The following RFX6 variants were observed in gnomAD, a reference collection of about 807,000 sequenced individuals.
The protein encoded by RFX6 is regulatory factor X6, also known as DNA-binding protein RFX6.
Under a neutral mutation model 110.8 loss-of-function variants are expected in RFX6, and 50 were observed. The ratio of observed to expected loss-of-function variants is 0.45; its 90% CI spans 0.36 to 0.57. The LOEUF is 0.57. Among genes scored for constraint, RFX6 ranks in the 20% least tolerant of loss-of-function variants. RFX6 has a pLI of 0.00. For missense variants in RFX6, 990 were observed against 1,127.0 expected (o/e 0.88, Z 1.74); for synonymous variants, 383 against 411.2 (o/e 0.93, Z 0.83).
At chr6:116,925,753 C>T (rs1775710629) in intron 16 of RFX6, 94 bp downstream of exon 16, 1 of 816,024 alleles carries the variant, frequency 1.2e-6, no homozygotes, top group South Asian at 1.5e-5. Flanking sequence ...TCCAGGAATT[C>T]CAACAATAAA....
chr6:116,877,320 G>C lies in RFX6; in HGVS notation c.45G>C (p.Gln15His). The change falls in exon 1 of 19, where the codon CAG (glutamine) becomes CAC (histidine). Residue 15 changes from glutamine (Q) to histidine (H), a missense_variant. Around this residue, in one of 5 missense-constraint regions of RFX6, gnomAD observed 175 missense variants for 162.3 expected, o/e 1.08. Transcript: ENST00000332958. ...TGGAAGACACCTTCCTGCAGGCGCA[G>C]CCTGCGCCCCAACTGTCCCCGGGGA... Reference protein sequence around the residue: ...PELEDTFLQAQPAPQLSPGIQ... With the variant: ...PELEDTFLQAHPAPQLSPGIQ... 1 of 1,612,952 alleles carries C rather than the reference G, an allele frequency of 6.2e-7. No individual in the cohort carries two copies. Among genetic ancestry groups the C allele is most frequent in the African/African-American group, 1.3e-5 (1 of 75,036 alleles).
chr6:116,880,714 C>T lies in RFX6; in HGVS notation c.504+47C>T, dbSNP rs1426050030. The T allele has an allele frequency of 1.9e-6, 3 of 1,598,058 alleles. No individual in the cohort carries two copies. In the African/African-American group the frequency reaches 4.0e-5, roughly 21 times the overall value. ...TAGTGACTTATAACTAAAGTCATGT[C>T]AGGCAGATAGCATGAAAATGAATTC... On this transcript the variant is annotated intron_variant, in intron 3 of 18. Coordinates refer to ENST00000332958, the MANE Select transcript of RFX6 (RefSeq NM_173560.4).
chr6:116,915,087 A>T (rs1259468660), intron 7 of RFX6, among the ~76,000 whole-genome samples: 2 of 152,192 alleles, frequency 1.3e-5, no homozygotes, highest in African/African-American at 4.8e-5. Flanking sequence ...ATAACTGGCA[A>T]CAGGTAGGGA....
chr6:116,887,367 C>T (rs1036741186), intron 4 of RFX6, among the ~76,000 whole-genome samples: 2 of 152,176 alleles, frequency 1.3e-5, no homozygotes, highest in African/African-American at 4.8e-5. Flanking sequence ...GCTCAGCTCT[C>T]TATCCAGTTC....
intron 4 of RFX6, 34 bp downstream of exon 4, chr6:116,882,462 C>G (rs375206171): frequency 2.1e-6 from 3 of 1,460,028 alleles, no homozygotes; most frequent in East Asian, 2.3e-5. Context: ...AGGTTCTGCT[C>G]TTGTGCATGA....
chr6:116,902,506 G>C (rs1290056234), intron 6 of RFX6, among the ~76,000 whole-genome samples: 2 of 151,982 alleles, frequency 1.3e-5, no homozygotes, highest in Admixed American at 6.6e-5. Context: ...ATGTCTTAGA[G>C]ATTGTCTCAG....
intron 4 of RFX6, among the ~76,000 whole-genome samples, chr6:116,890,300 A>G (rs1241782779): frequency 6.6e-6 from 1 of 152,134 alleles, no homozygotes; most frequent in Non-Finnish European, 1.5e-5. Flanking sequence ...GAGATCATGT[A>G]CACATACAAT....
At chr6:116,893,395 T>C (rs906208725) in intron 4 of RFX6, among the ~76,000 whole-genome samples, 14 of 152,356 alleles carry the variant, frequency 9.2e-5, no homozygotes, top group African/African-American at 2.2e-4. Flanking sequence ...AAACAAATTA[T>C]CTACAGCACT....
chr6:116,893,887 G>T (rs1020450608), intron 4 of RFX6, 100 bp from the exon 5 acceptor site: 11 of 781,932 alleles, frequency 1.4e-5, no homozygotes, highest in Non-Finnish European at 2.4e-5. Context: ...ATCAGGGTTT[G>T]CAGTTCTTAT....
chr6:116,928,673 G>A lies in RFX6; in HGVS notation c.2399-86G>A, dbSNP rs186758743. On this transcript the variant is annotated intron_variant, in intron 17 of 18. Transcript: ENST00000332958. Reference sequence around the variant, plus strand: ...ACTTACAGTTTGATATCTTTAGGACGTCACCTCATTACTTTGTCACTTTTT... The same window carrying A: ...ACTTACAGTTTGATATCTTTAGGACATCACCTCATTACTTTGTCACTTTTT... The A allele has an allele frequency of 4.8e-4, 412 of 856,668 alleles. 8 individuals are homozygous for A. Among genetic ancestry groups the A allele is most frequent in the South Asian group, 4.0e-3 (303 of 75,160 alleles). The allele number at this position is 856,668 out of a possible 1,614,324, so 53.1% of individuals were successfully genotyped here.
Position 116,877,334 on chromosome 6 carries a change from T to C in RFX6, c.59T>C (p.Leu20Pro), listed in dbSNP as rs1185454229. Reference sequence around the variant, plus strand: ...CTGCAGGCGCAGCCTGCGCCCCAACTGTCCCCGGGGATCCAGGAAGACTGC... The same window carrying C: ...CTGCAGGCGCAGCCTGCGCCCCAACCGTCCCCGGGGATCCAGGAAGACTGC... ...TFLQAQPAPQ[L>P]SPGIQEDCCV... Residue 20 changes from leucine to proline, a missense_variant, in exon 1 of 19, where the codon CTG becomes CCG. This residue lies in a region of RFX6 where 175 missense variants were observed against 162.3 expected (regional missense o/e 1.08). Transcript: ENST00000332958. The C allele has an allele frequency of 6.2e-7, 1 of 1,612,910 alleles. No individual in the cohort carries two copies. Among genetic ancestry groups the C allele is most frequent in the Non-Finnish European group, 8.5e-7 (1 of 1,179,664 alleles).
At chr6:116,915,918 G>A in intron 7 of RFX6, 90 bp from the exon 8 acceptor site, 1 of 926,130 alleles carries the variant, frequency 1.1e-6, no homozygotes. Flanking sequence ...TACGTAATAG[G>A]ATCTTTTAAA....
At chr6:116,880,706 A>G (rs751139970) in intron 3 of RFX6, 39 bp downstream of exon 3, 1 of 1,607,930 alleles carries the variant, frequency 6.2e-7, no homozygotes, top group South Asian at 1.1e-5. Context: ...TTATAACTAA[A>G]GTCATGTCAG....
intron 4 of RFX6, among the ~76,000 whole-genome samples, chr6:116,885,232 G>A (rs339326): frequency 0.29 from 44,089 of 151,976 alleles, 6,575 homozygotes; most frequent in South Asian, 0.38. Flanking sequence ...TTATTGTAAG[G>A]TTATTCAGCT....
At chr6:116,904,578 T>C (rs905346169) in intron 6 of RFX6, among the ~76,000 whole-genome samples, 1 of 152,154 alleles carries the variant, frequency 6.6e-6, no homozygotes, top group Non-Finnish European at 1.5e-5. Flanking sequence ...ATTAAGTACA[T>C]TGGTATCATT....
chr6:116,911,542 TAAGA>T (rs1486318178), intron 7 of RFX6, among the ~76,000 whole-genome samples: 2 of 152,178 alleles, frequency 1.3e-5, no homozygotes, highest in Non-Finnish European at 2.9e-5. Flanking sequence ...TTTTTAAAGT[TAAGA>T]AAGAATCATT....
At chr6:116,928,228 AG>A (rs1775795573) in intron 17 of RFX6, among the ~76,000 whole-genome samples, 1 of 152,226 alleles carries the variant, frequency 6.6e-6, no homozygotes, top group Admixed American at 6.5e-5. Flanking sequence ...GGAACAAAAC[AG>A]ACCAATAAAA....
At chr6:116,905,213 T>C (rs773572217) in intron 6 of RFX6, among the ~76,000 whole-genome samples, 5 of 152,142 alleles carry the variant, frequency 3.3e-5, no homozygotes, top group Non-Finnish European at 7.4e-5. Context: ...TTTGTGTGTG[T>C]TTTTGTGTTT....
intron 12 of RFX6, among the ~76,000 whole-genome samples, chr6:116,921,091 A>AT (rs1228857525): frequency 6.6e-6 from 1 of 152,042 alleles, no homozygotes; most frequent in Non-Finnish European, 1.5e-5. Context: ...AACAGCCACT[A>AT]TTTTTTCCTC....
Sources: gnomAD v4.1 joint callset for allele counts (sites outside exome capture counted in the v4.1 genomes callset) on GRCh38, gnomAD v4.1.1 for gene constraint, gnomAD v4.1.1 regional missense constraint, MANE v1.5 for transcripts, NCBI Gene and HGNC (gene_info 2026-07-23, HGNC 2026-07-21) for gene names.